NIN: variants seen among roughly 807,000 people sequenced by gnomAD.
The protein encoded by NIN is ninein.
In NIN, 137 loss-of-function variants were observed where a neutral mutation model predicts 257.6. That is an observed-to-expected ratio of 0.53 (90% CI 0.46 to 0.61). The LOEUF is 0.61. Among genes scored for constraint, NIN ranks in the 20% least tolerant of loss-of-function variants. The pLI, the probability that NIN is intolerant of heterozygous loss-of-function variation, is 0.00. For missense variants in NIN, 2,439 were observed against 2,501.2 expected (o/e 0.98, Z 0.53); for synonymous variants, 918 against 919.8 (o/e 1.00, Z 0.04).
intron 21 of NIN, among the ~76,000 whole-genome samples, chr14:50,751,647 T>C (rs1008064834): frequency 6.6e-6 from 1 of 152,154 alleles, no homozygotes; most frequent in African/African-American, 2.4e-5. Context: ...CTGCCTCAGC[T>C]TCCTGAGTAG....
chr14:50,737,677 ACT>A (rs1424352268), intron 27 of NIN, among the ~76,000 whole-genome samples: 2 of 142,452 alleles, frequency 1.4e-5, no homozygotes, highest in Non-Finnish European at 3.0e-5. Context: ...ACAGAGTCTC[ACT>A]CTGTTACCCA....
At chr14:50,788,845 A>C (rs1465875283) in intron 5 of NIN, among the ~76,000 whole-genome samples, 2 of 152,216 alleles carry the variant, frequency 1.3e-5, no homozygotes, top group Non-Finnish European at 2.9e-5. Flanking sequence ...CCTAGAGCTA[A>C]AATTAGTCTT....
rs925711456 is a variant in NIN, at chr14:50,720,233, C to G, written c.*3230G>C. The G allele has an allele frequency of 1.8e-5, 4 of 222,464 alleles. No homozygotes were observed. The highest frequency in any genetic ancestry group is 3.6e-5 in the Non-Finnish European group (4 of 111,364). The allele number at this position is 222,464 out of a possible 1,614,324, so 13.8% of individuals were successfully genotyped here. On this transcript the variant is annotated 3_prime_UTR_variant, in exon 31 of 31. Coordinates refer to ENST00000530997, the MANE Select transcript of NIN (RefSeq NM_020921.4). ...GCATTACTTGTATAATTATATCATT[C>G]CAATGAGTCACTACAGGTAATCCAT...
chr14:50,739,548 G>A, intron 25 of NIN, 61 bp from the exon 26 acceptor site: 1 of 1,527,302 alleles, frequency 6.5e-7, no homozygotes, highest in South Asian at 1.2e-5. Flanking sequence ...GCTGTTTTGA[G>A]ACAGGTGTCA....
At chr14:50,800,497 A>G (rs569413204) in intron 4 of NIN, among the ~76,000 whole-genome samples, 98 of 152,312 alleles carry the variant, frequency 6.4e-4, no homozygotes, top group African/African-American at 2.2e-3. Context: ...CCCAACATAT[A>G]TATTTTTTCA....
intron 15 of NIN, among the ~76,000 whole-genome samples, chr14:50,762,825 G>T (rs1281453976): frequency 6.6e-6 from 1 of 152,166 alleles, no homozygotes; most frequent in Non-Finnish European, 1.5e-5. Flanking sequence ...AGCTGCAACT[G>T]GCAGTCTTGC....
At chr14:50,781,564 C>T (rs1271169648) in intron 5 of NIN, among the ~76,000 whole-genome samples, 3 of 152,190 alleles carry the variant, frequency 2.0e-5, no homozygotes, top group South Asian at 2.1e-4. Context: ...TTCCCTGCTG[C>T]CTTCTTCCCT....
chr14:50,724,277 T>C lies in NIN; in HGVS notation c.6193-605A>G, dbSNP rs73295429. 1,063 of 209,150 alleles carry C rather than the reference T, an allele frequency of 5.1e-3. 11 individuals are homozygous for C. Among genetic ancestry groups the C allele is most frequent in the African/African-American group, 0.022 (988 of 44,124 alleles). 13.0% of individuals were successfully genotyped at this position (209,150 alleles called of 1,614,324 possible). A position where few individuals can be genotyped will look rare whatever the true frequency, so the allele number is the denominator to read the frequency against. On this transcript the variant is annotated intron_variant, in intron 30 of 30. Transcript: ENST00000530997. ...GTTAGCAGCCTTGGGATACTTTCAT[T>C]GTTGTTCTGGTTAATATTTTCCAGT...
chr14:50,757,247 GCAGT>G lies in NIN; in HGVS notation c.3779_3782del (p.Asp1260AlafsTer6). 2 of 1,614,046 alleles carry G rather than the reference GCAGT, an allele frequency of 1.2e-6. No individual in the cohort carries two copies. Among genetic ancestry groups the G allele is most frequent in the Non-Finnish European group, 1.7e-6 (2 of 1,180,024 alleles). ...CCATCATTCTCAGCTCTTCCTGAAG[GCAGT>G]CATTTTCTCGGCTCACATCTTCATA... is the stretch of plus-strand genomic sequence containing the variant. On this transcript the variant is annotated frameshift_variant, in exon 18 of 31. Transcript: ENST00000530997. LOFTEE classifies it high-confidence loss of function.
chr14:50,772,929 C>A lies in NIN; in HGVS notation c.813+20G>T. The stretch of plus-strand genomic sequence containing the variant: ...TTCTAACTTTTATTCACAAAGAAAG[C>A]ACTTCTGCTTATTTTTTACCTGCAT... On this transcript the variant is annotated intron_variant, in intron 8 of 30. Coordinates refer to ENST00000530997, the MANE Select transcript of NIN (RefSeq NM_020921.4). 1 of 1,597,220 alleles carries A rather than the reference C, an allele frequency of 6.3e-7. No homozygotes were observed. Among genetic ancestry groups the A allele is most frequent in the Non-Finnish European group, 8.5e-7 (1 of 1,172,914 alleles).
chr14:50,735,851 T>C (rs754932016), intron 27 of NIN, among the ~76,000 whole-genome samples: 3 of 152,176 alleles, frequency 2.0e-5, no homozygotes, highest in Non-Finnish European at 2.9e-5. Flanking sequence ...GCTTTTAAAC[T>C]TGGATGCCAC....
intron 18 of NIN, 103 bp from the exon 19 acceptor site, chr14:50,754,970 TAAAAA>T: frequency 1.4e-6 from 1 of 727,980 alleles, no homozygotes. Flanking sequence ...CAATGCCAGT[TAAAAA>T]GAAAAGTCTA....
intron 3 of NIN, among the ~76,000 whole-genome samples, chr14:50,820,421 A>G (rs2142419312): frequency 6.6e-6 from 1 of 152,302 alleles, no homozygotes; most frequent in African/African-American, 2.4e-5. Context: ...CACTCAAGGA[A>G]ACCTTAGTTG....
At chr14:50,725,662 A>AT (rs905591131) in intron 30 of NIN, among the ~76,000 whole-genome samples, 1 of 151,744 alleles carries the variant, frequency 6.6e-6, no homozygotes, top group African/African-American at 2.4e-5. Context: ...GAATCAATAG[A>AT]TTTTTTTTGA....
At chr14:50,818,861 G>A (rs1440062287) in intron 3 of NIN, among the ~76,000 whole-genome samples, 2 of 149,786 alleles carry the variant, frequency 1.3e-5, no homozygotes, top group Admixed American at 6.7e-5. Flanking sequence ...GTTGATTTAA[G>A]TTACTTTCAT....
At chr14:50,737,055 C>T (rs2041014192) in intron 27 of NIN, among the ~76,000 whole-genome samples, 1 of 152,152 alleles carries the variant, frequency 6.6e-6, no homozygotes, top group Non-Finnish European at 1.5e-5. Flanking sequence ...TATTCACACC[C>T]TTATACAGTC....
intron 25 of NIN, 36 bp from the exon 26 acceptor site, chr14:50,739,523 AGCTATT>A (rs1229516944): frequency 6.3e-7 from 1 of 1,597,908 alleles, no homozygotes; most frequent in East Asian, 2.2e-5. Flanking sequence ...CTTAAAAACA[AGCTATT>A]GGGTAATTGC....
At chr14:50,786,853 A>G (rs1162758110) in intron 5 of NIN, among the ~76,000 whole-genome samples, 2 of 152,268 alleles carry the variant, frequency 1.3e-5, no homozygotes, top group Non-Finnish European at 2.9e-5. Flanking sequence ...ATGTAAATGA[A>G]TAATTCATAA....
intron 25 of NIN, among the ~76,000 whole-genome samples, chr14:50,739,857 T>C (rs1189486124): frequency 6.6e-6 from 1 of 152,232 alleles, no homozygotes; most frequent in Non-Finnish European, 1.5e-5. Context: ...GCCCAGAAGA[T>C]ATTCATTTGA....
Sources: allele counts gnomAD v4.1 joint callset (sites outside exome capture counted in the v4.1 genomes callset), GRCh38; gene constraint gnomAD v4.1.1; transcripts MANE v1.5; gene names NCBI Gene and HGNC (gene_info 2026-07-23, HGNC 2026-07-21).